The following COP1 variants were observed in gnomAD, a reference collection of about 807,000 sequenced individuals.
COP1 encodes the protein E3 ubiquitin-protein ligase COP1.
A neutral mutation model predicts 101.3 loss-of-function variants in COP1; 24 were observed. That is an observed-to-expected ratio of 0.24 (90% confidence interval 0.17 to 0.33). COP1 has a LOEUF of 0.33. Ranked by LOEUF, COP1 falls within the 10% of genes least tolerant of loss-of-function variation. COP1 has a pLI of 1.00. For synonymous variants in COP1, 347 were observed against 341.9 expected (o/e 1.01, Z -0.17); for missense variants, 663 against 906.2 (o/e 0.73, Z 3.45).
chr1:176,125,230 T>C (rs1444546155), intron 8 of COP1, among the ~76,000 whole-genome samples: 3 of 152,348 alleles, frequency 2.0e-5, no homozygotes, highest in Middle Eastern at 3.4e-3. Context: ...GCTGATTGTT[T>C]CCTTTGGTGT....
chr1:176,191,191 CA>C (rs1405468838), intron 1 of COP1, among the ~76,000 whole-genome samples: 5 of 151,898 alleles, frequency 3.3e-5, no homozygotes, highest in African/African-American at 1.2e-4. Context: ...GACTCGAAAA[CA>C]ATAAATTATT....
At chr1:176,039,279 T>G (rs548021130) in intron 14 of COP1, among the ~76,000 whole-genome samples, 28 of 152,172 alleles carry the variant, frequency 1.8e-4, no homozygotes, top group African/African-American at 6.0e-4. Flanking sequence ...AAAATACAAT[T>G]TATCAAAATT....
intron 1 of COP1, among the ~76,000 whole-genome samples, chr1:176,194,132 C>T (rs1007707590): frequency 6.6e-6 from 1 of 151,980 alleles, no homozygotes; most frequent in African/African-American, 2.4e-5. Context: ...CACTTCCCCC[C>T]ACCAAATACA....
chr1:176,085,547 T>A (rs1679980553), intron 10 of COP1, among the ~76,000 whole-genome samples: 1 of 152,208 alleles, frequency 6.6e-6, no homozygotes, highest in Admixed American at 6.5e-5. Context: ...TTTAACTTTA[T>A]CTAGCTTGCC....
chr1:175,947,871 T>C (rs1204900212), intron 18 of COP1, among the ~76,000 whole-genome samples: 1 of 151,946 alleles, frequency 6.6e-6, no homozygotes, highest in Non-Finnish European at 1.5e-5. Context: ...AAAGAGTAAG[T>C]TGAGAAAAAC....
intron 5 of COP1, among the ~76,000 whole-genome samples, chr1:176,158,411 G>C (rs1356060815): frequency 1.3e-5 from 2 of 152,014 alleles, no homozygotes; most frequent in Non-Finnish European, 2.9e-5. Flanking sequence ...TGAGGCTAAA[G>C]GAAAATAACA....
chr1:176,188,834 T>TACACACAC (rs10637320), intron 1 of COP1, among the ~76,000 whole-genome samples: 203 of 148,500 alleles, frequency 1.4e-3, no homozygotes, highest in African/African-American at 4.0e-3. Context: ...AACACATAGA[T>TACACACAC]ACACACACAC....
intron 1 of COP1, among the ~76,000 whole-genome samples, chr1:176,194,518 A>G (rs573782595): frequency 6.6e-6 from 1 of 152,214 alleles, no homozygotes; most frequent in African/African-American, 2.4e-5. Flanking sequence ...TGAGCCTATA[A>G]TCCCAGCTAC....
In COP1 at chr1:176,068,507, A is replaced by G. The variant is rs138431599; in HGVS notation, c.1277+12645T>C. On this transcript the variant is annotated intron_variant, in intron 11 of 19. Coordinates refer to ENST00000367669, the MANE Select transcript of COP1 (RefSeq NM_022457.7). ...GTCTGAAAGGGTAAGAACGACTAAC[A>G]TTTACGTAGTATTTACAACATGCCA... 3.4e-3 allele frequency among the ~76,000 whole-genome samples: 516 copies of G among 152,354 alleles called. 2 individuals carry two copies. Among genetic ancestry groups the G allele is most frequent in the African/African-American group, 0.012 (484 of 41,582 alleles).
intron 5 of COP1, among the ~76,000 whole-genome samples, chr1:176,150,251 C>T (rs993942060): frequency 6.6e-6 from 1 of 152,064 alleles, no homozygotes; most frequent in African/African-American, 2.4e-5. Context: ...CAAAACAGAT[C>T]AACGTAATTT....
intron 9 of COP1, among the ~76,000 whole-genome samples, chr1:176,093,127 A>G (rs1255912839): frequency 6.6e-6 from 1 of 152,224 alleles, no homozygotes; most frequent in Admixed American, 6.5e-5. Flanking sequence ...GGGTGTGTAT[A>G]TATGTGGTAA....
Position 176,206,817 on chromosome 1 carries a change from C to T in COP1, c.162G>A (p.Gln54=), listed in dbSNP as rs1381130537. Residue 54 remains glutamine, a synonymous_variant, in exon 1 of 20, where the codon CAG becomes CAA. Coordinates refer to ENST00000367669, the MANE Select transcript of COP1 (RefSeq NM_022457.7). ...CCCCGAGGCCGCCCGAGCCGGCGGCCTGGGCCACCCCGCCGGACACCAGCG... is the reference window on the plus strand; with the variant it reads ...CCCCGAGGCCGCCCGAGCCGGCGGCTTGGGCCACCCCGCCGGACACCAGCG... ...AAALVSGGVA[Q]AAGSGGLGGP... The T allele has an allele frequency of 2.2e-6, 3 of 1,390,984 alleles. No homozygotes were observed. The Admixed American group carries it at 1.1e-4, about 50-fold the overall frequency. The allele number at this position is 1,390,984 out of a possible 1,614,324, so 86.2% of individuals were successfully genotyped here.
chr1:176,124,100 ATC>A (rs1687600349), intron 8 of COP1, among the ~76,000 whole-genome samples: 1 of 152,086 alleles, frequency 6.6e-6, no homozygotes, highest in Non-Finnish European at 1.5e-5. Flanking sequence ...GTGATTTTAG[ATC>A]TTTTTAATTT....
chr1:176,013,558 CAT>C (rs1665066782), intron 15 of COP1, among the ~76,000 whole-genome samples: 1 of 152,098 alleles, frequency 6.6e-6, no homozygotes, highest in African/African-American at 2.4e-5. Flanking sequence ...ATTAGACTAT[CAT>C]AAATAAATTA....
At chr1:176,016,162 A>G (rs1665593536) in intron 15 of COP1, among the ~76,000 whole-genome samples, 1 of 152,280 alleles carries the variant, frequency 6.6e-6, no homozygotes, top group Admixed American at 6.5e-5. Flanking sequence ...TTTTTTAGCT[A>G]AGAGTGGAAT....
intron 8 of COP1, among the ~76,000 whole-genome samples, chr1:176,128,935 T>C (rs1240852420): frequency 6.6e-6 from 1 of 151,960 alleles, no homozygotes; most frequent in African/African-American, 2.4e-5. Flanking sequence ...ATAGGCAAGA[T>C]GGCTCACTTT....
chr1:176,021,081 A>C (rs1666685930), intron 15 of COP1, among the ~76,000 whole-genome samples: 1 of 152,146 alleles, frequency 6.6e-6, no homozygotes, highest in African/African-American at 2.4e-5. Context: ...TCAAAGGCTC[A>C]AGCAATCCCC....
At chr1:176,002,344 GTTT>G (rs1557890143) in intron 15 of COP1, among the ~76,000 whole-genome samples, 1 of 151,464 alleles carries the variant, frequency 6.6e-6, no homozygotes, top group East Asian at 1.9e-4. Flanking sequence ...TTCTTTTTTA[GTTT>G]TTATTTATTT....
intron 9 of COP1, among the ~76,000 whole-genome samples, chr1:176,095,768 C>T (rs1410724604): frequency 6.6e-6 from 1 of 151,818 alleles, no homozygotes; most frequent in African/African-American, 2.4e-5. Context: ...CAGTATAAGA[C>T]TGCTGGTCTC....
Sources: allele counts gnomAD v4.1 joint callset (sites outside exome capture counted in the v4.1 genomes callset), GRCh38; gene constraint gnomAD v4.1.1; transcripts MANE v1.5; gene names NCBI Gene and HGNC (gene_info 2026-07-23, HGNC 2026-07-21).